BNIP5: variants seen among roughly 807,000 people sequenced by gnomAD.
The protein encoded by BNIP5 is BCL2 interacting protein 5.
A neutral mutation model predicts 67.3 loss-of-function variants in BNIP5; 61 were observed. That is an observed-to-expected ratio of 0.91 (90% CI 0.74 to 1.12). The LOEUF is 1.12. Ranked by LOEUF, BNIP5 falls within the 50% of genes most tolerant of loss-of-function variation. The pLI, the probability that BNIP5 is intolerant of heterozygous loss-of-function variation, is 0.00. For missense variants in BNIP5, 826 were observed against 816.3 expected (o/e 1.01, Z -0.14); for synonymous variants, 317 against 319.0 (o/e 0.99, Z 0.07).
intron 3 of BNIP5, among the ~76,000 whole-genome samples, chr6:36,328,142 A>G (rs1363632745): frequency 6.6e-6 from 1 of 152,146 alleles, no homozygotes; most frequent in African/African-American, 2.4e-5. Context: ...ATGCATGTTT[A>G]AGTATTTAGG....
Position 36,330,711 on chromosome 6 carries a change from C to CAGCT in BNIP5, c.-4-21_-4-18dup, listed in dbSNP as rs1345957247. On this transcript the variant is annotated splice_polypyrimidine_tract_variant and intron_variant, in intron 1 of 11. Transcript: ENST00000437635. Reference sequence around the variant, plus strand: ...TCCATCGGGCTGCAACCAAAACACACAGCTCCCTTAGTTTTTTTGTTTGTT... The same window carrying CAGCT: ...TCCATCGGGCTGCAACCAAAACACACAGCTAGCTCCCTTAGTTTTTTTGTTTGTT... 6.5e-7 allele frequency: 1 copy of CAGCT among 1,530,232 alleles called. No individual in the cohort carries two copies. Among genetic ancestry groups the CAGCT allele is most frequent in the East Asian group, 2.3e-5 (1 of 44,212 alleles). 94.8% of individuals were successfully genotyped at this position (1,530,232 alleles called of 1,614,324 possible).
chr6:36,327,003 T>C, intron 4 of BNIP5, 27 bp downstream of exon 4: 1 of 1,604,276 alleles, frequency 6.2e-7, no homozygotes, highest in Non-Finnish European at 8.5e-7. Context: ...AGAGAGCCCC[T>C]GGAGACCTGC....
rs1452195700 is a variant in BNIP5, at chr6:36,330,195, C to T, written c.496G>A (p.Ala166Thr). Residue 166 changes from alanine (A) to threonine (T), a missense_variant, in exon 2 of 12, where the codon GCC (alanine) becomes ACC (threonine). Ala to Thr is a moderately conservative substitution (Grantham distance 58). Transcript: ENST00000437635. ...RKKQGHKKHA[A>T]EVTKAAQDQE... Reference sequence around the variant, plus strand: ...TCTTGAGCTGCCTTAGTCACCTCGGCCGCGTGTTTCTTGTGACCTTGCTTC... The same window carrying T: ...TCTTGAGCTGCCTTAGTCACCTCGGTCGCGTGTTTCTTGTGACCTTGCTTC... 2 of 1,614,132 alleles carry T rather than the reference C, an allele frequency of 1.2e-6. No homozygotes were observed. Among genetic ancestry groups the T allele is most frequent in the Non-Finnish European group, 1.7e-6 (2 of 1,180,040 alleles).
chr6:36,322,747 G>A (rs1420963330), intron 8 of BNIP5, among the ~76,000 whole-genome samples: 1 of 152,232 alleles, frequency 6.6e-6, no homozygotes, highest in Non-Finnish European at 1.5e-5. Flanking sequence ...CACTTAGCCT[G>A]TCTGAACCTC....
At chr6:36,322,571 G>T (rs751986754) in intron 8 of BNIP5, 129 bp from the exon 9 acceptor site, 5 of 1,015,350 alleles carry the variant, frequency 4.9e-6, no homozygotes, top group Non-Finnish European at 7.2e-6. Context: ...TCCTGCCCCC[G>T]GCTCTGCCTC....
rs781764541 is a variant in BNIP5, at chr6:36,326,602, T to C, written c.944A>G (p.Asp315Gly). 1.2e-6 allele frequency: 2 copies of C among 1,614,112 alleles called. No homozygotes were observed. The highest frequency in any genetic ancestry group is 1.1e-5 in the South Asian group (1 of 91,090). The change falls in exon 5 of 12, where the codon GAT becomes GGT. Residue 315 changes from aspartate to glycine, a missense_variant. Asp to Gly is a moderately conservative substitution (Grantham distance 94). Coordinates refer to ENST00000437635, the MANE Select transcript of BNIP5 (RefSeq NM_001010903.5). ...GSEEAKRGAADVSSPEAWPPK... is the reference protein window; with the variant it reads ...GSEEAKRGAAGVSSPEAWPPK... ...TGGCCAGGCCTCTGGACTGGAAACATCTGCAGCCCCCCTCTTGGCCTCCTC... is the reference window on the plus strand; with the variant it reads ...TGGCCAGGCCTCTGGACTGGAAACACCTGCAGCCCCCCTCTTGGCCTCCTC...
chr6:36,321,047 G>A, intron 10 of BNIP5, 108 bp downstream of exon 10: 1 of 693,388 alleles, frequency 1.4e-6, no homozygotes, highest in Non-Finnish European at 2.6e-6. Flanking sequence ...GACTCAGAGA[G>A]GTTAAGGGAC....
chr6:36,326,705 C>G lies in BNIP5; in HGVS notation c.841G>C (p.Ala281Pro), dbSNP rs766171738. Reference protein sequence around the residue: ...LGVALPNPAPAVRKKSQEKKT... With the variant: ...LGVALPNPAPPVRKKSQEKKT... ...TTCTCTTGGGATTTCTTCCTAACAG[C>G]TGGTGCTGGGTTTGGCAGGGCCACC... The change falls in exon 5 of 12, where the codon GCT (alanine) becomes CCT (proline). Residue 281 changes from alanine to proline, a missense_variant. Transcript: ENST00000437635. 2 of 1,614,118 alleles carry G rather than the reference C, an allele frequency of 1.2e-6. No individual in the cohort carries two copies. Among genetic ancestry groups the G allele is most frequent in the East Asian group, 4.5e-5 (2 of 44,900 alleles).
chr6:36,316,790 TCCCC>T lies in BNIP5; in HGVS notation c.*562_*565del. ...TAGAAGGATTCTGAGAGACCAAGTG[TCCCC>T]AGTCTCTAGGTTTTTCCATCTTGGG... On this transcript the variant is annotated 3_prime_UTR_variant, in exon 12 of 12. Coordinates refer to ENST00000437635, the MANE Select transcript of BNIP5 (RefSeq NM_001010903.5). 2.5e-6 allele frequency: 1 copy of T among 399,464 alleles called. No homozygotes were observed. The allele number at this position is 399,464 out of a possible 1,614,324, so 24.7% of individuals were successfully genotyped here.
At position 36,330,744 on chromosome 6, in the gene BNIP5, ATTTG is replaced by A. The variant is rs572213877; in HGVS notation, c.-4-54_-4-51del. 11,906 of 1,509,368 alleles carry A rather than the reference ATTTG, an allele frequency of 7.9e-3. 64 individuals carry two copies. Among genetic ancestry groups the A allele is most frequent in the Non-Finnish European group, 8.8e-3 (10,053 of 1,139,948 alleles). The allele number at this position is 1,509,368 out of a possible 1,614,324, so 93.5% of individuals were successfully genotyped here. ...TTAGTTTTTTTGTTTGTTTGTTTTG[ATTTG>A]TTTGTTTGTTTGTTTTGTTTGTTTT... On this transcript the variant is annotated intron_variant, in intron 1 of 11. Coordinates refer to ENST00000437635, the MANE Select transcript of BNIP5 (RefSeq NM_001010903.5).
At chr6:36,320,468 C>T (rs55688035) in intron 10 of BNIP5, among the ~76,000 whole-genome samples, 29,931 of 152,192 alleles carry the variant, frequency 0.2, 3,218 homozygotes, top group Non-Finnish European at 0.24. Context: ...TTCTGCCCCC[C>T]ACATGAGTTG....
At position 36,330,063 on chromosome 6, in the gene BNIP5, C is replaced by G. The variant is rs747954101; in HGVS notation, c.610+18G>C. ...AGCACCCTAGGGGTTGCCATAGGAA[C>G]AGGCACGGTCCGCTCACCCCTGCGA... On this transcript the variant is annotated intron_variant, in intron 2 of 11. Coordinates refer to ENST00000437635, the MANE Select transcript of BNIP5 (RefSeq NM_001010903.5). The G allele has an allele frequency of 1.3e-6, 2 of 1,576,426 alleles. No individual in the cohort carries two copies. The highest frequency in any genetic ancestry group is 8.6e-7 in the Non-Finnish European group (1 of 1,168,104).
chr6:36,324,022 A>C (rs1407023522), intron 7 of BNIP5, 107 bp downstream of exon 7: 2 of 782,062 alleles, frequency 2.6e-6, no homozygotes, highest in Non-Finnish European at 4.3e-6. Context: ...AAAAGGAGGG[A>C]CTGGAGCAGG....
chr6:36,319,514 A>T lies in BNIP5; in HGVS notation c.1765T>A (p.Ser589Thr). Residue 589 changes from serine to threonine, a missense_variant, in exon 11 of 12, where the codon TCC (serine) becomes ACC (threonine). By Grantham distance (58) the Ser-to-Thr change is moderately conservative. Transcript: ENST00000437635. Reference protein sequence around the residue: ...VATLRSQVAHSSKLDRNRARR... With the variant: ...VATLRSQVAHTSKLDRNRARR... ...GCGCGGTTCCTGTCCAGCTTAGAGG[A>T]GTGAGCCACCTGGCTGCGCAGGGTG... is the stretch of plus-strand genomic sequence containing the variant. 6.2e-7 allele frequency: 1 copy of T among 1,614,176 alleles called. No homozygotes were observed. The highest frequency in any genetic ancestry group is 8.5e-7 in the Non-Finnish European group (1 of 1,180,024).
In BNIP5 at chr6:36,334,901, A is replaced by G. The variant is rs539502196; in HGVS notation, c.-5+1811T>C. On this transcript the variant is annotated intron_variant, in intron 1 of 11. Transcript: ENST00000437635. The stretch of plus-strand genomic sequence containing the variant: ...CCCTGTGCAGACTGTGCTCCAGACC[A>G]GGAATCCTAAGTGAGCAGCGTGGTC... Among the ~76,000 whole-genome samples, 16 of 152,332 alleles carry G rather than the reference A, an allele frequency of 1.1e-4. No homozygotes were observed. In the East Asian group the frequency reaches 2.9e-3, roughly 28 times the overall value.
rs142099310 is a variant in BNIP5, at chr6:36,336,367, C to T, written c.-5+345G>A. Among the ~76,000 whole-genome samples, 1,121 of 152,282 alleles carry T rather than the reference C, an allele frequency of 7.4e-3. 8 individuals carry two copies. The highest frequency in any genetic ancestry group is 0.024 in the Middle Eastern group (7 of 294). On this transcript the variant is annotated intron_variant, in intron 1 of 11. Transcript: ENST00000437635. ...AGCTATGTAATGCTGCCCCATCCTA[C>T]AGACAAGAAAACTGAGGCCCAAGGA...
At chr6:36,330,000 C>T (rs1285611096) in intron 2 of BNIP5, 81 bp downstream of exon 2, 4 of 1,464,888 alleles carry the variant, frequency 2.7e-6, no homozygotes, top group South Asian at 1.4e-5. Flanking sequence ...CCCGACTATC[C>T]CTGTCCCTCT....
Position 36,324,182 on chromosome 6 carries a change from T to A in BNIP5, c.1177A>T (p.Ile393Phe). ...LDRASEYKEF[I>F]QKIISMLQDA... ...TGGAGCATGGAAATGATCTTCTGAA[T>A]GAATTCTTCTGAAAAAGATCAACAC... Residue 393 changes from isoleucine to phenylalanine, a missense_variant, in exon 7 of 12, where the codon ATT becomes TTT. Physicochemically the swap from Ile to Phe is conservative, Grantham distance 21. Coordinates refer to ENST00000437635, the MANE Select transcript of BNIP5 (RefSeq NM_001010903.5). 1 of 1,613,546 alleles carries A rather than the reference T, an allele frequency of 6.2e-7. No homozygotes were observed.
chr6:36,329,073 G>T (rs901079851), intron 2 of BNIP5, among the ~76,000 whole-genome samples: 1 of 152,196 alleles, frequency 6.6e-6, no homozygotes, highest in East Asian at 1.9e-4. Flanking sequence ...GGCACCTTGG[G>T]AGCCAGCACC....
Sources: gnomAD v4.1 joint callset for allele counts (sites outside exome capture counted in the v4.1 genomes callset) on GRCh38, gnomAD v4.1.1 for gene constraint, MANE v1.5 for transcripts, NCBI Gene and HGNC (gene_info 2026-07-23, HGNC 2026-07-21) for gene names.